HELQ: variants seen among roughly 807,000 people sequenced by gnomAD.
HELQ encodes helicase, POLQ like.
HELQ carries 77 observed loss-of-function variants against 111.6 expected under a neutral mutation model. The observed-to-expected ratio is 0.69, with a 90% CI of 0.57 to 0.83. HELQ has a LOEUF of 0.83. Among genes scored for constraint, HELQ ranks in the 40% least tolerant of loss-of-function variants. HELQ has a pLI of 0.00. For synonymous variants in HELQ, 438 were observed against 454.7 expected (o/e 0.96, Z 0.47); for missense variants, 1,200 against 1,288.5 (o/e 0.93, Z 1.05).
chr4:83,413,460 G>C (rs892855025), intron 17 of HELQ, among the ~76,000 whole-genome samples: 1 of 152,158 alleles, frequency 6.6e-6, no homozygotes, highest in African/African-American at 2.4e-5. Flanking sequence ...TTTCCTAATA[G>C]AAACTATAAT....
At chr4:83,443,686 A>G (rs1487392440) in intron 5 of HELQ, 72 bp from the exon 6 acceptor site, 28 of 607,354 alleles carry the variant, frequency 4.6e-5, no homozygotes, top group Admixed American at 3.1e-5. Context: ...AAGTAATTTT[A>G]GCAAGTCTTT....
intron 9 of HELQ, among the ~76,000 whole-genome samples, chr4:83,433,440 G>A (rs1159178199): frequency 1.3e-5 from 2 of 152,120 alleles, no homozygotes; most frequent in Non-Finnish European, 2.9e-5. Flanking sequence ...GGCTGAGGGG[G>A]GCGGATCACG....
At chr4:83,417,000 A>C (rs1739397413) in intron 16 of HELQ, 135 bp from the exon 17 acceptor site, 4 of 753,068 alleles carry the variant, frequency 5.3e-6, no homozygotes, top group Non-Finnish European at 8.3e-6. Flanking sequence ...GAGACAAGAC[A>C]TGAGAATACT....
intron 7 of HELQ, among the ~76,000 whole-genome samples, chr4:83,441,049 C>A (rs550713380): frequency 6.6e-6 from 1 of 152,182 alleles, no homozygotes; most frequent in Non-Finnish European, 1.5e-5. Context: ...GATTTTCACA[C>A]GGTACTTGCT....
intron 14 of HELQ, among the ~76,000 whole-genome samples, chr4:83,422,744 T>A (rs13124280): frequency 6.6e-6 from 1 of 152,198 alleles, no homozygotes; most frequent in South Asian, 2.1e-4. Flanking sequence ...TGGTAATTTG[T>A]TATGGCGGTT....
chr4:83,413,365 C>A (rs113522492), intron 17 of HELQ, among the ~76,000 whole-genome samples: 1 of 152,144 alleles, frequency 6.6e-6, no homozygotes, highest in Non-Finnish European at 1.5e-5. Context: ...AAATCCCTCA[C>A]ATTTGGTCAC....
intron 1 of HELQ, among the ~76,000 whole-genome samples, chr4:83,454,821 G>A (rs1721653308): frequency 6.6e-6 from 1 of 152,064 alleles, no homozygotes; most frequent in South Asian, 2.1e-4. Context: ...TAACTGCAGC[G>A]CTTCCCTCCC....
In HELQ at chr4:83,455,540, T is replaced by A. The variant is rs368639419; in HGVS notation, c.154A>T (p.Arg52Trp). 1 of 1,613,584 alleles carries A rather than the reference T, an allele frequency of 6.2e-7. No individual in the cohort carries two copies. The highest frequency in any genetic ancestry group is 8.5e-7 in the Non-Finnish European group (1 of 1,179,626). ...EEEEMVAENR[R>W]RKTAGVLPVE... ...GGCAGTACGCCCGCGGTTTTCCGCC[T>A]CCTGTTCTCAGCCACCATTTCCTCC... is the stretch of plus-strand genomic sequence containing the variant. The change falls in exon 1 of 18, where the codon AGG becomes TGG. Residue 52 changes from arginine to tryptophan, a missense_variant. Transcript: ENST00000295488.
In HELQ at chr4:83,436,994, A is replaced by C. The variant is rs754871429; in HGVS notation, c.1912T>G (p.Phe638Val). Residue 638 changes from phenylalanine to valine, a missense_variant, in exon 9 of 18, where the codon TTT becomes GTT. This residue lies in a region of HELQ where 585 missense variants were observed against 665.3 expected (regional missense o/e 0.88). Transcript: ENST00000295488. ...LCPVLKRTIP[F>V]GVAYHHSGLT... ...CCACTGTGGTGATAGGCAACTCCAA[A>C]TGGGATAGTGCGCTTTAAAACAGGA... 5 of 1,614,016 alleles carry C rather than the reference A, an allele frequency of 3.1e-6. No homozygotes were observed. The Admixed American group carries it at 8.3e-5, about 27-fold the overall frequency.
At chr4:83,434,544 C>T (rs1220485278) in intron 9 of HELQ, among the ~76,000 whole-genome samples, 1 of 151,910 alleles carries the variant, frequency 6.6e-6, no homozygotes, top group East Asian at 1.9e-4. Context: ...CTAACTGCAG[C>T]CTCGATGTCC....
chr4:83,423,722 C>T (rs1365869904), intron 14 of HELQ, among the ~76,000 whole-genome samples: 1 of 152,044 alleles, frequency 6.6e-6, no homozygotes, highest in African/African-American at 2.4e-5. Flanking sequence ...ATCAGCCTGG[C>T]CAACATGGTG....
intron 12 of HELQ, among the ~76,000 whole-genome samples, chr4:83,428,033 CA>C (rs1219969862): frequency 6.6e-6 from 1 of 152,084 alleles, no homozygotes; most frequent in Non-Finnish European, 1.5e-5. Context: ...AAGTGTCCAT[CA>C]ACATCGAATG....
At chr4:83,454,620 T>C (rs1721634949) in intron 1 of HELQ, among the ~76,000 whole-genome samples, 1 of 150,596 alleles carries the variant, frequency 6.6e-6, no homozygotes, top group Admixed American at 6.7e-5. Context: ...AGACTGGGTC[T>C]CTGTTGCCTA....
intron 17 of HELQ, among the ~76,000 whole-genome samples, chr4:83,414,825 G>A (rs1158243760): frequency 1.3e-5 from 2 of 152,094 alleles, no homozygotes; most frequent in African/African-American, 4.8e-5. Context: ...TGAAACAAGT[G>A]TGTGAAAGTT....
At chr4:83,451,251 A>T (rs1721346686) in intron 2 of HELQ, among the ~76,000 whole-genome samples, 1 of 152,080 alleles carries the variant, frequency 6.6e-6, no homozygotes, top group East Asian at 1.9e-4. Flanking sequence ...GCAAAAAAAA[A>T]TTATCCCTTT....
intron 13 of HELQ, 121 bp from the exon 14 acceptor site, chr4:83,426,213 T>A (rs1362368938): frequency 1.6e-6 from 1 of 607,446 alleles, no homozygotes; most frequent in Non-Finnish European, 3.0e-6. Context: ...GATAAATATA[T>A]TTGTAAATGT....
At chr4:83,446,410 G>A (rs866410217) in intron 4 of HELQ, among the ~76,000 whole-genome samples, 2 of 152,190 alleles carry the variant, frequency 1.3e-5, no homozygotes, top group Middle Eastern at 3.4e-3. Context: ...GGGTTACAGC[G>A]ATTCTCCTGC....
chr4:83,415,045 G>C (rs540465108), intron 17 of HELQ, among the ~76,000 whole-genome samples: 1 of 152,180 alleles, frequency 6.6e-6, no homozygotes, highest in East Asian at 1.9e-4. Context: ...ATTAAAAAAT[G>C]ATGGAAAGCT....
In HELQ at chr4:83,421,692, A is replaced by G. The variant is rs751597741; in HGVS notation, c.2820T>C (p.Val940=). The G allele has an allele frequency of 1.2e-6, 2 of 1,613,750 alleles. No homozygotes were observed. The highest frequency in any genetic ancestry group is 2.2e-5 in the South Asian group (2 of 91,078). Residue 940 remains valine (V), a synonymous_variant, in exon 15 of 18, where the codon GTT becomes GTC. Coordinates refer to ENST00000295488, the MANE Select transcript of HELQ (RefSeq NM_133636.5). ...NVVNRLYLSF[V]LYTLLKETNI... Reference sequence around the variant, plus strand: ...TGGTCTCTTTGAGCAAGGTATAAAGAACAAAAGACAGATATAGCCTGTTGA... The same window carrying G: ...TGGTCTCTTTGAGCAAGGTATAAAGGACAAAAGACAGATATAGCCTGTTGA...
Sources: gnomAD v4.1 joint callset for allele counts (sites outside exome capture counted in the v4.1 genomes callset) on GRCh38, gnomAD v4.1.1 for gene constraint, gnomAD v4.1.1 regional missense constraint, MANE v1.5 for transcripts, NCBI Gene and HGNC (gene_info 2026-07-23, HGNC 2026-07-21) for gene names.